STRBP: variants seen among roughly 807,000 people sequenced by gnomAD.
STRBP encodes spermatid perinuclear RNA binding protein.
Under a neutral mutation model 80.1 loss-of-function variants are expected in STRBP, and 13 were observed. That is an observed-to-expected ratio of 0.16 (90% CI 0.11 to 0.26). STRBP has a LOEUF of 0.26. Ranked by LOEUF, STRBP falls within the 10% of genes least tolerant of loss-of-function variation. The pLI is 1.00. For synonymous variants in STRBP, 284 were observed against 291.2 expected, an observed-to-expected ratio of 0.98 and a Z score of 0.25; for missense variants, 485 against 815.2, an observed-to-expected ratio of 0.59 and a Z score of 4.93.
chr9:123,175,023 A>T (rs1050501977), intron 4 of STRBP, among the ~76,000 whole-genome samples: 1 of 152,200 alleles, frequency 6.6e-6, no homozygotes, highest in African/African-American at 2.4e-5. Flanking sequence ...TAAGTGCCCT[A>T]TTTAAAAGGG....
intron 4 of STRBP, among the ~76,000 whole-genome samples, chr9:123,176,374 G>A (rs2038219808): frequency 6.6e-6 from 1 of 152,188 alleles, no homozygotes; most frequent in Non-Finnish European, 1.5e-5. Context: ...CTGAAGAATA[G>A]ATGCTAAGAA....
downstream of STRBP, among the ~76,000 whole-genome samples, chr9:123,119,083 T>C (rs990809693): frequency 2.6e-5 from 4 of 152,168 alleles, no homozygotes; most frequent in Non-Finnish European, 4.4e-5. Flanking sequence ...GTGCAGATTT[T>C]TCCCCCCAAA....
rs71388358 is a variant in STRBP, at chr9:123,197,667, C to CTTTTTTTTT, written c.-164-13378_-164-13370dup. On this transcript the variant is annotated intron_variant, in intron 2 of 18. Coordinates refer to ENST00000348403, the MANE Select transcript of STRBP (RefSeq NM_018387.5). The stretch of plus-strand genomic sequence containing the variant: ...ATACAAGTTGCTGTGAAACATATTT[C>CTTTTTTTTT]TTTTTTTTTTTTTTTTTTTTTTTTT... Among the ~76,000 whole-genome samples the CTTTTTTTTT allele has an allele frequency of 2.4e-4, 21 of 87,374 alleles. 1 individual carries two copies. The highest frequency in any genetic ancestry group is 3.8e-4 in the East Asian group (1 of 2,630). 57.3% of individuals were successfully genotyped at this position (87,374 alleles called of 152,430 possible). A position where few individuals can be genotyped will look rare whatever the true frequency, so the allele number is the denominator to read the frequency against.
At chr9:123,162,715 T>C (rs962399200) in intron 6 of STRBP, among the ~76,000 whole-genome samples, 2 of 152,186 alleles carry the variant, frequency 1.3e-5, no homozygotes, top group Non-Finnish European at 2.9e-5. Flanking sequence ...GCTAACAAAA[T>C]CAGAATACAA....
At chr9:123,160,534 T>G (rs991260411) in intron 7 of STRBP, 72 bp from the exon 8 acceptor site, 1 of 1,187,252 alleles carries the variant, frequency 8.4e-7, no homozygotes, top group Non-Finnish European at 1.2e-6. Context: ...TTCTTTCAAG[T>G]GAATACTAAG....
intron 2 of STRBP, among the ~76,000 whole-genome samples, chr9:123,221,695 G>A (rs556282655): frequency 1.4e-3 from 213 of 152,178 alleles, no homozygotes; most frequent in African/African-American, 5.0e-3. Flanking sequence ...TTTAAAGAAC[G>A]CTCCACATTC....
At chr9:123,205,840 T>C (rs1339477330) in intron 2 of STRBP, among the ~76,000 whole-genome samples, 1 of 152,226 alleles carries the variant, frequency 6.6e-6, no homozygotes, top group Non-Finnish European at 1.5e-5. Flanking sequence ...CAATTCAATA[T>C]CTTTGGCTCA....
At chr9:123,114,391 T>C (rs1170214487) in intron 3 of STRBP, 1 of 167,136 alleles carries the variant, frequency 6.0e-6, no homozygotes, top group Admixed American at 6.5e-5. Flanking sequence ...GTTCCACAGA[T>C]GCTGAATCCA....
At chr9:123,263,908 G>A (rs185899085) in intron 1 of STRBP, among the ~76,000 whole-genome samples, 140 of 152,304 alleles carry the variant, frequency 9.2e-4, no homozygotes, top group African/African-American at 2.9e-3. Context: ...GGCTGGGCGC[G>A]ATGGCTCACG....
rs545646201 is a variant in STRBP at position 123,229,825 on chromosome 9, A to C, written c.-165+7005T>G. Among the ~76,000 whole-genome samples, 3 of 152,324 alleles carry C rather than the reference A, an allele frequency of 2.0e-5. No homozygotes were observed. In the East Asian group the frequency reaches 5.8e-4, roughly 29 times the overall value. On this transcript the variant is annotated intron_variant, in intron 2 of 18. Transcript: ENST00000348403. ...AAACAACTGTCTAACAGAGTGACAG[A>C]GTGAATGGGCCAGGTACATATGATT...
chr9:123,172,604 A>G (rs1345767886), intron 5 of STRBP, among the ~76,000 whole-genome samples: 1 of 152,200 alleles, frequency 6.6e-6, no homozygotes, highest in East Asian at 1.9e-4. Flanking sequence ...TAAAAACCAT[A>G]TATTAAGACA....
intron 11 of STRBP, among the ~76,000 whole-genome samples, chr9:123,152,415 G>GTA (rs1044621020): frequency 1.5e-4 from 23 of 151,800 alleles, no homozygotes; most frequent in East Asian, 3.9e-4. Context: ...ATACACACGT[G>GTA]TATATATATA....
At chr9:123,119,867 T>C (rs1200293361), downstream of STRBP, among the ~76,000 whole-genome samples, 2 of 152,184 alleles carry the variant, frequency 1.3e-5, no homozygotes, top group African/African-American at 4.8e-5. Context: ...TGGTTTCTAG[T>C]CTCTATTTCT....
intron 11 of STRBP, among the ~76,000 whole-genome samples, chr9:123,156,520 T>A (rs1262925815): frequency 6.6e-6 from 1 of 152,082 alleles, no homozygotes; most frequent in Non-Finnish European, 1.5e-5. Flanking sequence ...GGGTAATATC[T>A]GTCAATATTG....
rs74651638 is a variant in STRBP, at chr9:123,259,038, G to T, written c.-302+9398C>A. Among the ~76,000 whole-genome samples the T allele has an allele frequency of 5.6e-3, 721 of 128,234 alleles. 2 individuals are homozygous for T. Among genetic ancestry groups the T allele is most frequent in the African/African-American group, 0.019 (684 of 35,730 alleles). The allele number at this position is 128,234 out of a possible 152,430, so 84.1% of individuals were successfully genotyped here. A position where few individuals can be genotyped will look rare whatever the true frequency, so the allele number is the denominator to read the frequency against. ...AGGATCATTCTTGTTACTGTATTAAGAATAGACTATAAGGAGGAAAGGGCA... is the reference window on the plus strand; with the variant it reads ...AGGATCATTCTTGTTACTGTATTAATAATAGACTATAAGGAGGAAAGGGCA... On this transcript the variant is annotated intron_variant, in intron 1 of 18. Coordinates refer to ENST00000348403, the MANE Select transcript of STRBP (RefSeq NM_018387.5).
intron 16 of STRBP, among the ~76,000 whole-genome samples, 180 bp from the exon 17 acceptor site, chr9:123,133,148 G>A (rs2036211478): frequency 6.6e-6 from 1 of 152,306 alleles, no homozygotes; most frequent in Middle Eastern, 3.4e-3. Context: ...CTACCTTACA[G>A]AGATGTTAAG....
At chr9:123,251,997 TC>T in intron 1 of STRBP, among the ~76,000 whole-genome samples, 1 of 151,736 alleles carries the variant, frequency 6.6e-6, no homozygotes, top group South Asian at 2.1e-4. Context: ...AGGGAGCAAA[TC>T]CCTCATCATT....
chr9:123,221,694 C>T (rs746508112), intron 2 of STRBP, among the ~76,000 whole-genome samples: 6 of 152,146 alleles, frequency 3.9e-5, no homozygotes, highest in African/African-American at 1.4e-4. Flanking sequence ...TTTTAAAGAA[C>T]GCTCCACATT....
In STRBP at chr9:123,122,705, C is replaced by T. The variant is rs1053473774; in HGVS notation, c.*2892G>A. On this transcript the variant is annotated 3_prime_UTR_variant, in exon 19 of 19. Coordinates refer to ENST00000348403, the MANE Select transcript of STRBP (RefSeq NM_018387.5). ...ACATCCCTGGCTAGGGGCCAGTCCC[C>T]GTGCAGAGGATATGGCTTCAAGGAG... The T allele has an allele frequency of 1.6e-5, 16 of 1,004,794 alleles. No homozygotes were observed. Among genetic ancestry groups the T allele is most frequent in the African/African-American group, 8.7e-5 (5 of 57,598 alleles). 62.2% of individuals were successfully genotyped at this position (1,004,794 alleles called of 1,614,324 possible).
Sources: gnomAD v4.1 joint callset for allele counts (sites outside exome capture counted in the v4.1 genomes callset) on GRCh38, gnomAD v4.1.1 for gene constraint, MANE v1.5 for transcripts, NCBI Gene and HGNC (gene_info 2026-07-23, HGNC 2026-07-21) for gene names.